CD46: variants seen among roughly 807,000 people sequenced by gnomAD.
CD46 encodes membrane cofactor protein.
In CD46, 30 loss-of-function variants were observed where a neutral mutation model predicts 53.3. The ratio of observed to expected loss-of-function variants is 0.56; its 90% CI spans 0.42 to 0.76. The LOEUF (loss-of-function observed/expected upper bound fraction) is 0.76, where lower values mean the gene tolerates loss of function less well. Ranked by LOEUF, CD46 falls within the 30% of genes least tolerant of loss-of-function variation. CD46 has a pLI of 0.00. For missense variants in CD46, 409 were observed against 463.0 expected, an observed-to-expected ratio of 0.88 and a Z score of 1.07; for synonymous variants, 142 against 152.0, an observed-to-expected ratio of 0.93 and a Z score of 0.48.
chr1:207,783,355 A>G, intron 9 of CD46, 25 bp downstream of exon 9: 2 of 1,447,454 alleles, frequency 1.4e-6, no homozygotes, highest in Non-Finnish European at 1.9e-6. Flanking sequence ...CATGACAAAT[A>G]TAAGTGGTAG....
chr1:207,764,916 A>G (rs1452439746), intron 5 of CD46, among the ~76,000 whole-genome samples: 1 of 152,240 alleles, frequency 6.6e-6, no homozygotes, highest in African/African-American at 2.4e-5. Flanking sequence ...AAGAAAGTGC[A>G]AGAGGAGGGA....
chr1:207,783,829 C>T (rs1176053722), intron 9 of CD46: 1 of 152,956 alleles, frequency 6.5e-6, no homozygotes, highest in Non-Finnish European at 1.5e-5. Context: ...GCCTTACCTC[C>T]AAAATCTGTG....
intron 12 of CD46, among the ~76,000 whole-genome samples, chr1:207,793,305 G>A (rs976402372): frequency 6.6e-6 from 1 of 152,136 alleles, no homozygotes; most frequent in African/African-American, 2.4e-5. Context: ...TTTTGGAGGG[G>A]ATCAAAAATA....
chr1:207,776,293 C>G (rs957974644), intron 8 of CD46, among the ~76,000 whole-genome samples: 39 of 152,360 alleles, frequency 2.6e-4, no homozygotes, highest in Middle Eastern at 3.4e-3. Context: ...CTTCCCTTGG[C>G]TAGGAAAGGG....
In CD46 at chr1:207,757,094, G is replaced by A. The variant is rs1655631817; in HGVS notation, c.178G>A (p.Val60Ile). ...PKPYYEIGERVDYKCKKGYFY... is the reference protein window; with the variant it reads ...PKPYYEIGERIDYKCKKGYFY... ...ACCCTACTATGAGATTGGTGAACGA[G>A]TAGATTATAAGTGTAAAAAAGGATA... Residue 60 changes from valine to isoleucine, a missense_variant, in exon 2 of 13, where the codon GTA (valine) becomes ATA (isoleucine). By Grantham distance (29) the Val-to-Ile change is conservative (BLOSUM62 3). Coordinates refer to ENST00000367042, the MANE Select transcript of CD46 (RefSeq NM_172351.3). The A allele has an allele frequency of 1.2e-6, 2 of 1,613,898 alleles. No homozygotes were observed. Among genetic ancestry groups the A allele is most frequent in the Non-Finnish European group, 1.7e-6 (2 of 1,179,878 alleles).
chr1:207,780,637 C>T (rs1343192155), intron 8 of CD46, among the ~76,000 whole-genome samples: 1 of 152,062 alleles, frequency 6.6e-6, no homozygotes. Flanking sequence ...ATACTGTATT[C>T]CACAGTGGCT....
chr1:207,763,847 G>GT (rs1656522417), intron 5 of CD46, among the ~76,000 whole-genome samples: 1 of 63,054 alleles, frequency 1.6e-5, no homozygotes, highest in African/African-American at 7.1e-5. Context: ...ATGATTTTTT[G>GT]GTTTTTTTTT....
intron 8 of CD46, among the ~76,000 whole-genome samples, chr1:207,782,453 C>G (rs1197915349): frequency 6.6e-6 from 1 of 152,038 alleles, no homozygotes; most frequent in African/African-American, 2.4e-5. Flanking sequence ...AACTTTCAGT[C>G]CTATGTCAGA....
Position 207,782,948 on chromosome 1 carries a change from C to T in CD46, c.944-344C>T, listed in dbSNP as rs41317971. ...GATTACAGGCGTGAGCCACTGTGCC[C>T]GGCTAATCCCTCTATCTTTTAATTT... On this transcript the variant is annotated intron_variant, in intron 8 of 12. Coordinates refer to ENST00000367042, the MANE Select transcript of CD46 (RefSeq NM_172351.3). 4.9e-3 allele frequency among the ~76,000 whole-genome samples: 745 copies of T among 151,896 alleles called. 2 individuals are homozygous for T. The highest frequency in any genetic ancestry group is 6.9e-3 in the Non-Finnish European group (470 of 67,934).
rs767708162 is a variant in CD46, at chr1:207,752,295, T to G, written c.83T>G (p.Leu28Arg). ...CTTCTGGCGGCCATGGTGTTGCTGC[T>G]GTACTCCTTCTCCGGTAGGACCCCG... ...GLLLAAMVLL[L>R]YSFSDACEEP... is the part of the protein sequence containing the mutation. The change falls in exon 1 of 13, where the codon CTG becomes CGG. Residue 28 changes from leucine (L) to arginine (R), a missense_variant. Transcript: ENST00000367042. The surrounding 1 kb of genome is among the most constrained non-coding windows in gnomAD (Gnocchi z 4.1). 6.2e-7 allele frequency: 1 copy of G among 1,613,974 alleles called. No homozygotes were observed. The highest frequency in any genetic ancestry group is 8.5e-7 in the Non-Finnish European group (1 of 1,179,982).
At chr1:207,775,674 G>A (rs55952944) in intron 8 of CD46, among the ~76,000 whole-genome samples, 4,261 of 152,240 alleles carry the variant, frequency 0.028, 102 homozygotes, top group African/African-American at 0.06. Context: ...CTGTTTTCTT[G>A]AGTATCACCA....
chr1:207,766,517 A>G (rs1656868157), intron 5 of CD46, among the ~76,000 whole-genome samples: 1 of 152,164 alleles, frequency 6.6e-6, no homozygotes, highest in Non-Finnish European at 1.5e-5. Flanking sequence ...AGAATGGTGT[A>G]AAATATTATT....
intron 12 of CD46, among the ~76,000 whole-genome samples, chr1:207,792,887 G>T (rs565985635): frequency 2.0e-5 from 3 of 152,010 alleles, no homozygotes; most frequent in African/African-American, 7.3e-5. Flanking sequence ...GGTTATACTC[G>T]GTTAAAGAAA....
At chr1:207,773,982 T>A (rs1375364927) in intron 8 of CD46, among the ~76,000 whole-genome samples, 4 of 152,140 alleles carry the variant, frequency 2.6e-5, no homozygotes, top group Non-Finnish European at 5.9e-5. Context: ...GACAGTGGGG[T>A]GTTAAAGGCT....
chr1:207,770,028 A>G lies in CD46; in HGVS notation c.902-293A>G. ...TGATTCACCTGCCTCGGCCTCCCACAGTGCTGGGATTACAGGCGTGAGCCA... is the reference window on the plus strand; with the variant it reads ...TGATTCACCTGCCTCGGCCTCCCACGGTGCTGGGATTACAGGCGTGAGCCA... On this transcript the variant is annotated intron_variant, in intron 7 of 12. Transcript: ENST00000367042. The G allele has an allele frequency of 1.2e-5, 4 of 336,568 alleles. No individual in the cohort carries two copies. The East Asian group carries it at 2.0e-4, about 16-fold the overall frequency. The allele number at this position is 336,568 out of a possible 1,614,324, so 20.8% of individuals were successfully genotyped here. A position where few individuals can be genotyped will look rare whatever the true frequency, so the allele number is the denominator to read the frequency against.
intron 8 of CD46, among the ~76,000 whole-genome samples, chr1:207,781,910 T>C (rs946800790): frequency 6.7e-6 from 1 of 150,296 alleles, no homozygotes; most frequent in African/African-American, 2.4e-5. Context: ...TGAGATTTCA[T>C]ATGTATTTTG....
intron 9 of CD46, among the ~76,000 whole-genome samples, chr1:207,784,201 A>G (rs568592128): frequency 1.9e-4 from 29 of 152,290 alleles, no homozygotes; most frequent in Admixed American, 1.8e-3. Context: ...GATTGATAAG[A>G]TAAAGTATTG....
intron 3 of CD46, among the ~76,000 whole-genome samples, chr1:207,758,189 G>A (rs1655782522): frequency 6.6e-6 from 1 of 152,192 alleles, no homozygotes; most frequent in Non-Finnish European, 1.5e-5. Context: ...GGGTTTTGAA[G>A]TTGTATATAT....
chr1:207,788,320 T>A lies in CD46; in HGVS notation c.1083-1933T>A, dbSNP rs183298212. 6.7e-3 allele frequency among the ~76,000 whole-genome samples: 935 copies of A among 140,048 alleles called. 11 individuals are homozygous for A. The highest frequency in any genetic ancestry group is 0.024 in the African/African-American group (896 of 36,918). The allele number at this position is 140,048 out of a possible 152,430, so 91.9% of individuals were successfully genotyped here. On this transcript the variant is annotated intron_variant, in intron 11 of 12. Transcript: ENST00000367042. ...TCACGAGGTCAGGAGATCAAGACCA[T>A]CCTGGCTAACACGGTGAAACCCCGT...
Sources: gnomAD v4.1 joint callset for allele counts (sites outside exome capture counted in the v4.1 genomes callset) on GRCh38, gnomAD v4.1.1 for gene constraint, Gnocchi (gnomAD v3.1) non-coding constraint, MANE v1.5 for transcripts, NCBI Gene and HGNC (gene_info 2026-07-23, HGNC 2026-07-21) for gene names.